Variants in CTNNA3 observed in about 807,000 individuals in gnomAD.
CTNNA3 encodes the protein catenin alpha 3.
Under a neutral mutation model 95.7 loss-of-function variants are expected in CTNNA3, and 76 were observed. That is an observed-to-expected ratio of 0.79 (90% CI 0.66 to 0.96). CTNNA3 has a LOEUF of 0.96. CTNNA3 is among the 40% of genes least tolerant of loss of function. The probability of loss-of-function intolerance (pLI) is 0.00; values close to 1 mark genes in which losing one functional copy is unlikely to be tolerated. For synonymous variants in CTNNA3, 431 were observed against 374.4 expected, an observed-to-expected ratio of 1.15 and a Z score of -1.74; for missense variants, 1,191 against 1,089.8, an observed-to-expected ratio of 1.09 and a Z score of -1.31.
intron 5 of CTNNA3, among the ~76,000 whole-genome samples, chr10:67,507,622 A>G (rs187582062): frequency 1.2e-3 from 186 of 152,266 alleles, no homozygotes; most frequent in Non-Finnish European, 1.6e-3. Flanking sequence ...CCAGGACCTG[A>G]TGACTTCACT....
chr10:67,377,792 C>T (rs1171605776), intron 5 of CTNNA3, among the ~76,000 whole-genome samples: 1 of 152,114 alleles, frequency 6.6e-6, no homozygotes, highest in Admixed American at 6.5e-5. Flanking sequence ...CAGTTTCTTC[C>T]TTCTAGGAGT....
At chr10:67,151,690 A>T (rs755711368) in intron 7 of CTNNA3, among the ~76,000 whole-genome samples, 1 of 152,206 alleles carries the variant, frequency 6.6e-6, no homozygotes, top group African/African-American at 2.4e-5. Flanking sequence ...TGCAGCTTCT[A>T]TCAAAGCAGT....
intron 7 of CTNNA3, among the ~76,000 whole-genome samples, chr10:66,865,966 C>A (rs887870619): frequency 6.6e-6 from 1 of 152,028 alleles, no homozygotes; most frequent in African/African-American, 2.4e-5. Flanking sequence ...TTATTTATAG[C>A]TTTATACATT....
At chr10:67,672,039 G>A (rs901334342) in intron 1 of CTNNA3, among the ~76,000 whole-genome samples, 2 of 151,898 alleles carry the variant, frequency 1.3e-5, no homozygotes, top group Admixed American at 1.3e-4. Flanking sequence ...CTGACTTTTT[G>A]ATGATCGCCA....
intron 5 of CTNNA3, among the ~76,000 whole-genome samples, chr10:67,416,738 C>G (rs1221116257): frequency 6.6e-6 from 1 of 151,396 alleles, no homozygotes; most frequent in Non-Finnish European, 1.5e-5. Context: ...AAGTCAAAAC[C>G]ACAATGAAAT....
chr10:67,529,664 A>T (rs1840261921), intron 4 of CTNNA3, among the ~76,000 whole-genome samples: 1 of 146,936 alleles, frequency 6.8e-6, no homozygotes, highest in South Asian at 2.1e-4. Context: ...AAATAAAATA[A>T]AATAAAATAA....
intron 1 of CTNNA3, among the ~76,000 whole-genome samples, chr10:67,762,383 C>CAAA (rs528181955): frequency 2.2e-5 from 3 of 137,022 alleles, no homozygotes; most frequent in African/African-American, 8.0e-5. Context: ...CTCCCCCCCC[C>CAAA]AAAAAAAAAA....
At chr10:67,271,685 A>T (rs1050311761) in intron 5 of CTNNA3, among the ~76,000 whole-genome samples, 1 of 152,176 alleles carries the variant, frequency 6.6e-6, no homozygotes, top group African/African-American at 2.4e-5. Context: ...ACCACATAGG[A>T]TATAAACTCA....
At chr10:66,749,769 T>C (rs1839056721) in intron 9 of CTNNA3, among the ~76,000 whole-genome samples, 1 of 152,186 alleles carries the variant, frequency 6.6e-6, no homozygotes, top group Non-Finnish European at 1.5e-5. Flanking sequence ...GTATGTTTAG[T>C]TTTGTAAGAA....
intron 15 of CTNNA3, among the ~76,000 whole-genome samples, chr10:66,034,330 G>A (rs919022481): frequency 1.3e-5 from 2 of 152,046 alleles, no homozygotes; most frequent in African/African-American, 2.4e-5. Flanking sequence ...TGAAGTTCTC[G>A]GCATACTTCT....
chr10:66,784,430 A>T (rs1484649819), intron 7 of CTNNA3, among the ~76,000 whole-genome samples: 4 of 152,178 alleles, frequency 2.6e-5, no homozygotes, highest in African/African-American at 9.7e-5. Context: ...TTAAATTTTT[A>T]AAAATCTCAT....
rs147462375 is a variant in CTNNA3 at position 67,360,000 on chromosome 10, C to T, written c.580-140130G>A. On this transcript the variant is annotated intron_variant, in intron 5 of 17. Coordinates refer to ENST00000433211, the MANE Select transcript of CTNNA3 (RefSeq NM_013266.4). ...GCAACCCCAGCAGGCTAACAGCAGA[C>T]TTCTCAGTAGGTTTCTACTTTTCAA... 4.8e-3 allele frequency among the ~76,000 whole-genome samples: 738 copies of T among 152,220 alleles called. 5 individuals carry two copies. The highest frequency in any genetic ancestry group is 0.017 in the African/African-American group (690 of 41,548).
At chr10:67,127,264 A>C (rs1413662550) in intron 7 of CTNNA3, among the ~76,000 whole-genome samples, 3 of 152,216 alleles carry the variant, frequency 2.0e-5, no homozygotes, top group African/African-American at 7.2e-5. Flanking sequence ...ATACTGACAT[A>C]GTCTGGAGAA....
intron 9 of CTNNA3, among the ~76,000 whole-genome samples, chr10:66,758,554 T>C (rs541171952): frequency 2.2e-4 from 34 of 152,284 alleles, no homozygotes; most frequent in African/African-American, 8.2e-4. Flanking sequence ...CATGTTTGCT[T>C]GTTACCTCTT....
chr10:67,037,834 A>G (rs1341162483), intron 7 of CTNNA3, among the ~76,000 whole-genome samples: 4 of 152,134 alleles, frequency 2.6e-5, no homozygotes, highest in Non-Finnish European at 5.9e-5. Flanking sequence ...TTTGAGATGT[A>G]TTGGTAAATT....
At chr10:67,008,295 T>C (rs1852123967) in intron 7 of CTNNA3, among the ~76,000 whole-genome samples, 1 of 152,152 alleles carries the variant, frequency 6.6e-6, no homozygotes, top group South Asian at 2.1e-4. Context: ...TGTTCATTCA[T>C]AGTTTCTATT....
intron 11 of CTNNA3, among the ~76,000 whole-genome samples, chr10:66,464,354 C>T (rs1259872355): frequency 6.6e-6 from 1 of 152,262 alleles, no homozygotes; most frequent in East Asian, 1.9e-4. Flanking sequence ...ACAATATTGT[C>T]ACTCATACTT....
At chr10:66,161,843 A>G (rs931362426) in intron 13 of CTNNA3, among the ~76,000 whole-genome samples, 1 of 152,124 alleles carries the variant, frequency 6.6e-6, no homozygotes, top group Non-Finnish European at 1.5e-5. Context: ...GATTATTCTT[A>G]GGTTTGGTCG....
intron 16 of CTNNA3, among the ~76,000 whole-genome samples, chr10:65,968,752 C>A (rs970898754): frequency 6.6e-6 from 1 of 152,218 alleles, no homozygotes; most frequent in Non-Finnish European, 1.5e-5. Flanking sequence ...AGTACCCAGT[C>A]CCCTGGATTA....
Sources: gnomAD v4.1 joint callset for allele counts (sites outside exome capture counted in the v4.1 genomes callset) on GRCh38, gnomAD v4.1.1 for gene constraint, MANE v1.5 for transcripts, NCBI Gene and HGNC (gene_info 2026-07-23, HGNC 2026-07-21) for gene names.